Variants in NBEA observed in about 807,000 individuals in gnomAD.
NBEA encodes the protein lysosomal-trafficking regulator 2.
A neutral mutation model predicts 343.4 loss-of-function variants in NBEA; 44 were observed. That is an observed-to-expected ratio of 0.13 (90% CI 0.10 to 0.16). The LOEUF is 0.16. NBEA is among the 10% of genes least tolerant of loss of function. NBEA has a pLI of 1.00. For synonymous variants in NBEA, 1,175 were observed against 1,238.7 expected (o/e 0.95, Z 1.08); for missense variants, 2,555 against 3,631.3 (o/e 0.70, Z 7.62).
chr13:35,234,477 G>A (rs548601594), intron 34 of NBEA, among the ~76,000 whole-genome samples: 1 of 152,260 alleles, frequency 6.6e-6, no homozygotes, highest in Admixed American at 6.5e-5. Context: ...CATGGAGTTT[G>A]CAGTCTAATG....
intron 49 of NBEA, among the ~76,000 whole-genome samples, chr13:35,632,892 C>A (rs1162687844): frequency 6.6e-6 from 1 of 151,782 alleles, no homozygotes; most frequent in Non-Finnish European, 1.5e-5. Flanking sequence ...CTGTGCACGG[C>A]CCCCCTGTAC....
intron 38 of NBEA, among the ~76,000 whole-genome samples, chr13:35,358,711 C>G (rs1490426389): frequency 1.4e-5 from 2 of 141,274 alleles, no homozygotes; most frequent in Admixed American, 1.4e-4. Context: ...CAGCAAGACT[C>G]TGTCTCAAAA....
intron 1 of NBEA, among the ~76,000 whole-genome samples, chr13:34,996,517 A>G (rs2060946499): frequency 6.6e-6 from 1 of 151,940 alleles, no homozygotes; most frequent in African/African-American, 2.4e-5. Context: ...AATTTATACT[A>G]TAATCAAAAT....
chr13:35,413,521 G>A (rs762394095), intron 38 of NBEA, among the ~76,000 whole-genome samples: 2 of 152,008 alleles, frequency 1.3e-5, no homozygotes. Flanking sequence ...CATTCCTGAG[G>A]GGCCAGGAGG....
intron 14 of NBEA, among the ~76,000 whole-genome samples, 166 bp from the exon 15 acceptor site, chr13:35,118,061 CT>C (rs1328292061): frequency 5.9e-5 from 9 of 151,962 alleles, no homozygotes; most frequent in African/African-American, 1.9e-4. Flanking sequence ...ATTTACTTAA[CT>C]TGAAATAATA....
At chr13:35,027,658 T>C (rs556465829) in intron 1 of NBEA, among the ~76,000 whole-genome samples, 1 of 152,094 alleles carries the variant, frequency 6.6e-6, no homozygotes, top group South Asian at 2.1e-4. Context: ...ACATGATCTT[T>C]CTCAGAGCAA....
Position 35,202,512 on chromosome 13 carries a change from G to A in NBEA, c.5367-6188G>A, listed in dbSNP as rs142001654. Among the ~76,000 whole-genome samples, 1,325 of 152,154 alleles carry A rather than the reference G, an allele frequency of 8.7e-3. 18 individuals carry two copies. Among genetic ancestry groups the A allele is most frequent in the Non-Finnish European group, 0.012 (840 of 67,978 alleles). On this transcript the variant is annotated intron_variant, in intron 31 of 58. Transcript: ENST00000379939. ...GCTCTTTCTTATCTTCAGTATCTCC[G>A]TTTGTACCTAGGATAAACCATGATG... is the stretch of plus-strand genomic sequence containing the variant.
intron 39 of NBEA, among the ~76,000 whole-genome samples, chr13:35,445,800 A>ATG (rs894673703): frequency 3.6e-5 from 3 of 84,424 alleles, no homozygotes; most frequent in African/African-American, 1.1e-4. Context: ...ATATATATAT[A>ATG]TATATATATA....
chr13:35,126,440 G>A (rs543811903), intron 17 of NBEA, among the ~76,000 whole-genome samples: 1 of 151,942 alleles, frequency 6.6e-6, no homozygotes, highest in South Asian at 2.1e-4. Context: ...ACAAATACTG[G>A]AAGAAAATAA....
intron 11 of NBEA, among the ~76,000 whole-genome samples, chr13:35,099,804 G>T (rs1593341902): frequency 6.6e-6 from 1 of 152,082 alleles, no homozygotes; most frequent in South Asian, 2.1e-4. Context: ...GTGCTTTTAT[G>T]ATGAGTGCTG....
At chr13:35,259,695 A>G (rs1026680957) in intron 34 of NBEA, among the ~76,000 whole-genome samples, 1 of 152,118 alleles carries the variant, frequency 6.6e-6, no homozygotes, top group Non-Finnish European at 1.5e-5. Context: ...AGAGATACCT[A>G]TTGGCATATG....
intron 43 of NBEA, among the ~76,000 whole-genome samples, chr13:35,551,623 G>A (rs1004510835): frequency 5.9e-5 from 9 of 152,176 alleles, no homozygotes; most frequent in South Asian, 2.1e-4. Flanking sequence ...TTTTTGGCTC[G>A]AAATAACTGA....
intron 34 of NBEA, among the ~76,000 whole-genome samples, chr13:35,280,308 C>T (rs982675056): frequency 6.6e-6 from 1 of 151,978 alleles, no homozygotes; most frequent in Non-Finnish European, 1.5e-5. Context: ...ATCTGAGGCT[C>T]TACATCCTCT....
At chr13:35,322,773 A>T (rs940420664) in intron 36 of NBEA, among the ~76,000 whole-genome samples, 5 of 152,210 alleles carry the variant, frequency 3.3e-5, no homozygotes, top group Non-Finnish European at 7.3e-5. Flanking sequence ...TCTAAAACTA[A>T]AGTCCCATTT....
intron 14 of NBEA, 93 bp from the exon 15 acceptor site, chr13:35,118,131 AACTC>A (rs1178829790): frequency 5.2e-6 from 4 of 771,338 alleles, no homozygotes; most frequent in Admixed American, 3.2e-5. Context: ...ACATTAAACT[AACTC>A]TTATTTTCTT....
intron 13 of NBEA, among the ~76,000 whole-genome samples, chr13:35,114,963 A>C (rs558068958): frequency 6.6e-6 from 1 of 152,246 alleles, no homozygotes; most frequent in South Asian, 2.1e-4. Flanking sequence ...AGAACTATTC[A>C]TGTGTAGGCA....
At chr13:35,234,572 G>T (rs1000333429) in intron 34 of NBEA, among the ~76,000 whole-genome samples, 12 of 152,180 alleles carry the variant, frequency 7.9e-5, no homozygotes, top group Non-Finnish European at 2.9e-5. Flanking sequence ...AGTGGGAAAT[G>T]AGACTAGATG....
chr13:35,575,990 T>C (rs2080718793), intron 45 of NBEA, among the ~76,000 whole-genome samples: 1 of 152,202 alleles, frequency 6.6e-6, no homozygotes, highest in Admixed American at 6.5e-5. Context: ...ATGCCAATGC[T>C]AGGCTTCTGA....
At chr13:35,047,353 C>T (rs1265558982) in intron 4 of NBEA, among the ~76,000 whole-genome samples, 1 of 151,652 alleles carries the variant, frequency 6.6e-6, no homozygotes, top group African/African-American at 2.4e-5. Flanking sequence ...ACTCTGATGG[C>T]TAGATATGCA....
Sources: gnomAD v4.1 joint callset for allele counts (sites outside exome capture counted in the v4.1 genomes callset) on GRCh38, gnomAD v4.1.1 for gene constraint, MANE v1.5 for transcripts, NCBI Gene and HGNC (gene_info 2026-07-23, HGNC 2026-07-21) for gene names.